The following CAP2 variants were observed in gnomAD, a reference collection of about 807,000 sequenced individuals.
CAP2 encodes adenylyl cyclase-associated protein 2.
In CAP2, 24 loss-of-function variants were observed where a neutral mutation model predicts 57.7. The observed-to-expected ratio is 0.42, with a 90% CI of 0.30 to 0.58. The LOEUF is 0.58. Among genes scored for constraint, CAP2 ranks in the 20% least tolerant of loss-of-function variants. The pLI, the probability that CAP2 is intolerant of heterozygous loss-of-function variation, is 0.22. For synonymous variants in CAP2, 194 were observed against 207.2 expected, an observed-to-expected ratio of 0.94 and a Z score of 0.55; for missense variants, 501 against 590.3, an observed-to-expected ratio of 0.85 and a Z score of 1.57.
chr6:17,466,550 GCTTCTCAAA>G (rs563301842), intron 4 of CAP2, among the ~76,000 whole-genome samples: 2 of 152,168 alleles, frequency 1.3e-5, no homozygotes, highest in Non-Finnish European at 2.9e-5. Context: ...CTAGACCACT[GCTTCTCAAA>G]CTTCAGTATT....
chr6:17,524,973 T>G (rs1445307429), intron 7 of CAP2, among the ~76,000 whole-genome samples: 2 of 150,806 alleles, frequency 1.3e-5, no homozygotes, highest in East Asian at 1.9e-4. Flanking sequence ...CTTGGCTCAC[T>G]GCAACCTCTG....
At chr6:17,471,702 G>A (rs1011933753) in intron 4 of CAP2, among the ~76,000 whole-genome samples, 2 of 151,726 alleles carry the variant, frequency 1.3e-5, no homozygotes, top group African/African-American at 4.8e-5. Flanking sequence ...ATAGTGGCGG[G>A]TGCCTGTAGT....
chr6:17,436,751 G>A (rs1453843724), intron 3 of CAP2, among the ~76,000 whole-genome samples: 2 of 152,182 alleles, frequency 1.3e-5, no homozygotes, highest in South Asian at 2.1e-4. Flanking sequence ...GCCTGTGGAT[G>A]CTGATGCCAT....
In CAP2 at chr6:17,546,364, A is replaced by G. The variant is rs576717733; in HGVS notation, c.1209+3221A>G. On this transcript the variant is annotated intron_variant, in intron 11 of 12. Transcript: ENST00000229922. The stretch of plus-strand genomic sequence containing the variant: ...CCTCATTTGAGAAGTGTCTGTTCAT[A>G]TCCTTTGCCCACTTTTTGATGGGGT... Among the ~76,000 whole-genome samples, 4 of 152,226 alleles carry G rather than the reference A, an allele frequency of 2.6e-5. No individual in the cohort carries two copies. In the East Asian group the frequency reaches 7.7e-4, roughly 29 times the overall value.
rs1762849259 is a variant in CAP2 at position 17,539,460 on chromosome 6, TGA to T, written c.826+9_826+10del. The T allele has an allele frequency of 6.2e-7, 1 of 1,612,192 alleles. No homozygotes were observed. Among genetic ancestry groups the T allele is most frequent in the Non-Finnish European group, 8.5e-7 (1 of 1,178,800 alleles). On this transcript the variant is annotated splice_donor_region_variant and intron_variant, in intron 8 of 12. Transcript: ENST00000229922. The stretch of plus-strand genomic sequence containing the variant: ...ACCAGGGAGAAGCAATTACAAAAGG[TGA>T]GAGAGAAAAGAAGACCTTGAAGCTG...
chr6:17,515,384 C>T (rs980545695), intron 7 of CAP2, among the ~76,000 whole-genome samples: 14 of 152,132 alleles, frequency 9.2e-5, no homozygotes, highest in African/African-American at 3.4e-4. Flanking sequence ...TGTGTTCCCA[C>T]TTACAAGTGG....
intron 1 of CAP2, among the ~76,000 whole-genome samples, chr6:17,401,498 C>A (rs182985019): frequency 1.3e-5 from 2 of 152,118 alleles, no homozygotes; most frequent in African/African-American, 4.8e-5. Context: ...ATCTTTCCAT[C>A]GAATGTATAC....
chr6:17,551,423 T>C (rs371313067), intron 11 of CAP2, 41 bp from the exon 12 acceptor site: 80 of 1,517,416 alleles, frequency 5.3e-5, no homozygotes, highest in Non-Finnish European at 7.1e-5. Flanking sequence ...TTGTTATTTC[T>C]GTTTCTTTGC....
intron 1 of CAP2, among the ~76,000 whole-genome samples, chr6:17,410,860 G>A (rs914233780): frequency 2.6e-5 from 4 of 152,096 alleles, no homozygotes; most frequent in African/African-American, 9.7e-5. Flanking sequence ...TGCCTGGCCA[G>A]ATTTAATGGT....
rs537644659 is a variant in CAP2 at position 17,467,187 on chromosome 6, C to T, written c.300+4114C>T. On this transcript the variant is annotated intron_variant, in intron 4 of 12. Coordinates refer to ENST00000229922, the MANE Select transcript of CAP2 (RefSeq NM_006366.3). ...TGGCTCACGTCAGCCTTGTGAGACCCTGAGAGAGAACCTAGCTCTGCCTTG... is the reference window on the plus strand; with the variant it reads ...TGGCTCACGTCAGCCTTGTGAGACCTTGAGAGAGAACCTAGCTCTGCCTTG... Among the ~76,000 whole-genome samples the T allele has an allele frequency of 1.2e-4, 19 of 152,178 alleles. No individual in the cohort carries two copies. The South Asian group carries it at 3.7e-3, about 30-fold the overall frequency.
At chr6:17,443,922 A>G (rs936963075) in intron 3 of CAP2, among the ~76,000 whole-genome samples, 1 of 152,234 alleles carries the variant, frequency 6.6e-6, no homozygotes, top group Non-Finnish European at 1.5e-5. Flanking sequence ...ATCAAATATA[A>G]GATGTTTTAG....
In CAP2 at chr6:17,432,318, T is replaced by A. The variant is rs531675272; in HGVS notation, c.222+5628T>A. ...AATCTGTGTCTATCCAGGATCCCCA[T>A]CCCAAAAAATCTTATCAGAAGCACC... On this transcript the variant is annotated intron_variant, in intron 3 of 12. Coordinates refer to ENST00000229922, the MANE Select transcript of CAP2 (RefSeq NM_006366.3). 1.1e-4 allele frequency among the ~76,000 whole-genome samples: 16 copies of A among 152,176 alleles called. No individual in the cohort carries two copies. In the East Asian group the frequency reaches 3.1e-3, roughly 29 times the overall value.
At chr6:17,399,094 C>T (rs540236566) in intron 1 of CAP2, among the ~76,000 whole-genome samples, 3 of 151,586 alleles carry the variant, frequency 2.0e-5, no homozygotes, top group South Asian at 2.1e-4. Flanking sequence ...GAGACAGTCT[C>T]GCTTTGTCAC....
chr6:17,445,143 G>A (rs547987592), intron 3 of CAP2, among the ~76,000 whole-genome samples: 3 of 152,194 alleles, frequency 2.0e-5, no homozygotes, highest in African/African-American at 7.2e-5. Context: ...GCCTTACTCC[G>A]CCACCCAGGC....
intron 3 of CAP2, among the ~76,000 whole-genome samples, chr6:17,448,887 G>A (rs1038055777): frequency 1.3e-5 from 2 of 151,656 alleles, no homozygotes; most frequent in Admixed American, 6.6e-5. Context: ...TCAGCCTTCC[G>A]AGGACCTGGG....
intron 3 of CAP2, among the ~76,000 whole-genome samples, chr6:17,433,263 G>T (rs1011923948): frequency 3.9e-5 from 6 of 152,198 alleles, no homozygotes; most frequent in African/African-American, 1.4e-4. Flanking sequence ...AGGATTTACA[G>T]AACACCGAAG....
At position 17,415,825 on chromosome 6, in the gene CAP2, G is replaced by T. The variant is rs112907704; in HGVS notation, c.-1-5730G>T. On this transcript the variant is annotated intron_variant, in intron 1 of 12. Coordinates refer to ENST00000229922, the MANE Select transcript of CAP2 (RefSeq NM_006366.3). ...TTGTTATTCTAGGCTTATCACCATT[G>T]ACATTGCGCCATGGAGTGTCAACAT... 5.9e-3 allele frequency among the ~76,000 whole-genome samples: 895 copies of T among 152,282 alleles called. 13 individuals carry two copies. Among genetic ancestry groups the T allele is most frequent in the African/African-American group, 0.02 (823 of 41,554 alleles).
chr6:17,548,236 A>C (rs764052193), intron 11 of CAP2, among the ~76,000 whole-genome samples: 4 of 151,434 alleles, frequency 2.6e-5, no homozygotes, highest in Non-Finnish European at 4.4e-5. Flanking sequence ...GTCATGGTGC[A>C]GGCGCCTGTA....
At chr6:17,498,885 C>T (rs1416623997) in intron 4 of CAP2, among the ~76,000 whole-genome samples, 18 of 151,830 alleles carry the variant, frequency 1.2e-4, no homozygotes, top group Admixed American at 9.2e-4. Flanking sequence ...CCCGCCACCA[C>T]GCCCAGATAA....
Sources: allele counts gnomAD v4.1 joint callset (sites outside exome capture counted in the v4.1 genomes callset), GRCh38; gene constraint gnomAD v4.1.1; transcripts MANE v1.5; gene names NCBI Gene and HGNC (gene_info 2026-07-23, HGNC 2026-07-21).